The following ELOVL5 variants were observed in gnomAD, a reference collection of about 807,000 sequenced individuals.
ELOVL5 encodes the protein ELOVL fatty acid elongase 5, also known as very long chain fatty acid elongase 5.
ELOVL5 carries 8 observed loss-of-function variants against 38.6 expected under a neutral mutation model. The observed-to-expected ratio is 0.21, with a 90% CI of 0.12 to 0.37. The LOEUF is 0.37. Ranked by LOEUF, ELOVL5 falls within the 10% of genes least tolerant of loss-of-function variation. The probability of loss-of-function intolerance (pLI) is 1.00; values close to 1 mark genes in which losing one functional copy is unlikely to be tolerated. For missense variants in ELOVL5, 280 were observed against 367.8 expected (o/e 0.76, Z 1.95); for synonymous variants, 127 against 133.7 (o/e 0.95, Z 0.34).
In ELOVL5 at chr6:53,301,261, C is replaced by T. The variant is rs191466593; in HGVS notation, c.-8-5554G>A. The stretch of plus-strand genomic sequence containing the variant: ...GAGCTACGGTGGGCCAATGACATAA[C>T]TTCTCAATAACCCGAATCACACTAC... On this transcript the variant is annotated intron_variant, in intron 1 of 7. Coordinates refer to ENST00000304434, the MANE Select transcript of ELOVL5 (RefSeq NM_021814.5). Among the ~76,000 whole-genome samples, 161 of 152,254 alleles carry T rather than the reference C, an allele frequency of 1.1e-3. 1 individual carries two copies. The Middle Eastern group carries it at 0.014, about 13-fold the overall frequency.
At chr6:53,344,861 T>C (rs1396698693) in intron 1 of ELOVL5, among the ~76,000 whole-genome samples, 1 of 152,212 alleles carries the variant, frequency 6.6e-6, no homozygotes, top group Non-Finnish European at 1.5e-5. Context: ...ACGCATGTCC[T>C]CCTATTCCTG....
At chr6:53,275,727 T>C (rs957600687) in intron 4 of ELOVL5, among the ~76,000 whole-genome samples, 2 of 152,200 alleles carry the variant, frequency 1.3e-5, no homozygotes, top group African/African-American at 4.8e-5. Flanking sequence ...TCTGCCCAAT[T>C]AAACATGTCA....
At chr6:53,309,415 C>T (rs1255041508) in intron 1 of ELOVL5, among the ~76,000 whole-genome samples, 1 of 152,098 alleles carries the variant, frequency 6.6e-6, no homozygotes, top group East Asian at 1.9e-4. Context: ...GAAACGTGGG[C>T]TCTGGCTCTA....
At chr6:53,309,640 A>G (rs1468483743) in intron 1 of ELOVL5, among the ~76,000 whole-genome samples, 1 of 152,162 alleles carries the variant, frequency 6.6e-6, no homozygotes, top group Non-Finnish European at 1.5e-5. Flanking sequence ...ATAAAGCAAA[A>G]GGGATGGTAT....
chr6:53,348,608 T>G (rs1769686434), intron 1 of ELOVL5, among the ~76,000 whole-genome samples: 1 of 152,050 alleles, frequency 6.6e-6, no homozygotes, highest in Admixed American at 6.5e-5. Flanking sequence ...CGCACCCCTT[T>G]CCCCGCGCCC....
intron 1 of ELOVL5, among the ~76,000 whole-genome samples, chr6:53,303,442 C>A (rs1767343773): frequency 6.6e-6 from 1 of 152,210 alleles, no homozygotes; most frequent in Admixed American, 6.5e-5. Flanking sequence ...CTTCCCCCTG[C>A]AGAATTCCTA....
Position 53,293,884 on chromosome 6 carries a change from G to A in ELOVL5, c.58+1758C>T, listed in dbSNP as rs115858262. On this transcript the variant is annotated intron_variant, in intron 2 of 7. Coordinates refer to ENST00000304434, the MANE Select transcript of ELOVL5 (RefSeq NM_021814.5). ...TCACGGAGGGTGTTACTGTCAGTCC[G>A]GCAGAACTGGTTGTGCTTAGAAGTC... is the stretch of plus-strand genomic sequence containing the variant. 4.0e-3 allele frequency among the ~76,000 whole-genome samples: 608 copies of A among 152,226 alleles called. 6 individuals are homozygous for A. Among genetic ancestry groups the A allele is most frequent in the African/African-American group, 0.013 (554 of 41,532 alleles).
chr6:53,311,788 G>A (rs900658125), intron 1 of ELOVL5, among the ~76,000 whole-genome samples: 1 of 152,198 alleles, frequency 6.6e-6, no homozygotes, highest in Non-Finnish European at 1.5e-5. Flanking sequence ...AGATCCATCA[G>A]TGGTTGCCAG....
intron 1 of ELOVL5, among the ~76,000 whole-genome samples, chr6:53,348,044 T>A (rs1254186827): frequency 9.0e-6 from 1 of 110,636 alleles, no homozygotes; most frequent in East Asian, 2.5e-4. Flanking sequence ...CGCGCCTCCC[T>A]CGCAGCCAAC....
intron 1 of ELOVL5, among the ~76,000 whole-genome samples, chr6:53,342,979 T>C (rs1317527217): frequency 6.6e-6 from 1 of 152,158 alleles, no homozygotes; most frequent in Non-Finnish European, 1.5e-5. Flanking sequence ...AATGTTACCA[T>C]GGAGCAAACA....
At chr6:53,342,528 T>C (rs1023789435) in intron 1 of ELOVL5, among the ~76,000 whole-genome samples, 12 of 152,204 alleles carry the variant, frequency 7.9e-5, no homozygotes, top group African/African-American at 2.9e-4. Context: ...ATGAAATTGT[T>C]GACATGAGGA....
chr6:53,317,631 A>G (rs1768109244), intron 1 of ELOVL5, among the ~76,000 whole-genome samples: 2 of 150,046 alleles, frequency 1.3e-5, no homozygotes, highest in South Asian at 4.3e-4. Context: ...GCGTCACACC[A>G]CGGGGACTGT....
intron 3 of ELOVL5, among the ~76,000 whole-genome samples, chr6:53,288,162 G>A (rs932432982): frequency 6.6e-6 from 1 of 152,152 alleles, no homozygotes; most frequent in Non-Finnish European, 1.5e-5. Flanking sequence ...AAGGCAGAGT[G>A]AGGGAAAGCC....
intron 1 of ELOVL5, among the ~76,000 whole-genome samples, chr6:53,305,552 C>A (rs1297231992): frequency 2.6e-5 from 4 of 151,580 alleles, no homozygotes; most frequent in Non-Finnish European, 5.9e-5. Flanking sequence ...ACGCTCCTCA[C>A]CTCCCAGACG....
At chr6:53,295,381 T>C (rs1766950609) in intron 2 of ELOVL5, among the ~76,000 whole-genome samples, 1 of 152,222 alleles carries the variant, frequency 6.6e-6, no homozygotes, top group Non-Finnish European at 1.5e-5. Context: ...AAAATGCCAC[T>C]GATAATGGTG....
chr6:53,294,021 T>A (rs1766879825), intron 2 of ELOVL5: 9 of 1,064,540 alleles, frequency 8.5e-6, no homozygotes, highest in African/African-American at 1.6e-5. Flanking sequence ...ACTTAGCAAC[T>A]AACATCAGAC....
At chr6:53,277,703 A>T (rs1245910866) in intron 3 of ELOVL5, 3 of 152,364 alleles carry the variant, frequency 2.0e-5, no homozygotes, top group African/African-American at 7.2e-5. Flanking sequence ...CTCTAAAGTC[A>T]TGGCCAGTCA....
chr6:53,295,820 G>A (rs1435433330), intron 1 of ELOVL5, 113 bp from the exon 2 acceptor site: 1 of 636,096 alleles, frequency 1.6e-6, no homozygotes, highest in Non-Finnish European at 2.5e-6. Context: ...ACAAGGTTAA[G>A]TTCAGTTCCT....
intron 1 of ELOVL5, among the ~76,000 whole-genome samples, chr6:53,299,597 G>A (rs949110903): frequency 1.3e-5 from 2 of 152,178 alleles, no homozygotes; most frequent in African/African-American, 2.4e-5. Flanking sequence ...CAGTCCAAGA[G>A]TACTGAACCA....
Sources: gnomAD v4.1 joint callset for allele counts (sites outside exome capture counted in the v4.1 genomes callset) on GRCh38, gnomAD v4.1.1 for gene constraint, MANE v1.5 for transcripts, NCBI Gene and HGNC (gene_info 2026-07-23, HGNC 2026-07-21) for gene names.